The following DOCK8 variants were observed in gnomAD, a reference collection of about 807,000 sequenced individuals.
DOCK8 encodes dedicator of cytokinesis 8.
Under a neutral mutation model 245.6 loss-of-function variants are expected in DOCK8, and 141 were observed. The ratio of observed to expected loss-of-function variants is 0.57; its 90% CI spans 0.50 to 0.66. The LOEUF is 0.66. DOCK8 is among the 30% of genes least tolerant of loss of function. The probability of loss-of-function intolerance (pLI) is 0.00; values close to 1 mark genes in which losing one functional copy is unlikely to be tolerated. For missense variants in DOCK8, 2,965 were observed against 2,603.4 expected (o/e 1.14, Z -3.02); for synonymous variants, 1,168 against 970.2 (o/e 1.20, Z -3.79).
chr9:289,663 C>A, intron 4 of DOCK8, 82 bp downstream of exon 4: 1 of 1,294,214 alleles, frequency 7.7e-7, no homozygotes, highest in South Asian at 1.3e-5. Context: ...ATACTTTGAA[C>A]AGTTCTAGGT....
chr9:451,247 G>T (rs1198230735), intron 45 of DOCK8, among the ~76,000 whole-genome samples: 1 of 152,026 alleles, frequency 6.6e-6, no homozygotes, highest in African/African-American at 2.4e-5. Flanking sequence ...GGAGGTGGAG[G>T]TTGTAGTGAG....
chr9:436,780 G>A (rs1587042077), intron 39 of DOCK8, among the ~76,000 whole-genome samples: 1 of 152,238 alleles, frequency 6.6e-6, no homozygotes, highest in East Asian at 1.9e-4. Context: ...AATATTTATT[G>A]AATACTTATT....
chr9:401,757 A>T (rs1159458569), intron 26 of DOCK8, among the ~76,000 whole-genome samples: 1 of 152,200 alleles, frequency 6.6e-6, no homozygotes, highest in Admixed American at 6.5e-5. Flanking sequence ...TCTCCTCCAA[A>T]AAAAGAAAAA....
intron 7 of DOCK8, among the ~76,000 whole-genome samples, chr9:318,785 T>C (rs1016189935): frequency 6.6e-6 from 1 of 152,178 alleles, no homozygotes; most frequent in Non-Finnish European, 1.5e-5. Context: ...CTGCATTGTT[T>C]AGGAAGCCTT....
At chr9:312,243 A>G (rs987463414) in intron 6 of DOCK8, 77 bp downstream of exon 6, 8 of 1,514,948 alleles carry the variant, frequency 5.3e-6, no homozygotes, top group Non-Finnish European at 7.2e-6. Flanking sequence ...GTTGTTCATT[A>G]TTACTATATA....
intron 1 of DOCK8, among the ~76,000 whole-genome samples, chr9:241,249 C>G (rs2047367166): frequency 6.6e-6 from 1 of 152,112 alleles, no homozygotes; most frequent in Non-Finnish European, 1.5e-5. Flanking sequence ...AATATCCTCC[C>G]TTTAAGTATT....
At chr9:329,097 C>T (rs1176651087) in intron 9 of DOCK8, among the ~76,000 whole-genome samples, 1 of 151,548 alleles carries the variant, frequency 6.6e-6, no homozygotes, top group African/African-American at 2.4e-5. Context: ...TTATAGGAGC[C>T]CACCACCCCA....
At chr9:372,567 G>A (rs1281848756) in intron 18 of DOCK8, among the ~76,000 whole-genome samples, 1 of 152,152 alleles carries the variant, frequency 6.6e-6, no homozygotes, top group Non-Finnish European at 1.5e-5. Flanking sequence ...AGAAGAGGAG[G>A]CAAACTAAGG....
intron 15 of DOCK8, 78 bp downstream of exon 15, chr9:368,213 A>C: frequency 8.3e-7 from 1 of 1,204,688 alleles, no homozygotes; most frequent in South Asian, 1.2e-5. Context: ...TCCGGGACTC[A>C]TCAGTGTACA....
At chr9:252,064 C>T (rs2047663563) in intron 1 of DOCK8, among the ~76,000 whole-genome samples, 1 of 145,996 alleles carries the variant, frequency 6.8e-6, no homozygotes, top group Non-Finnish European at 1.5e-5. Context: ...ACCTCTGCCA[C>T]CTGGGTTCAA....
intron 1 of DOCK8, among the ~76,000 whole-genome samples, chr9:259,029 G>A (rs2047852616): frequency 6.6e-6 from 1 of 151,986 alleles, no homozygotes. Flanking sequence ...ACTCTCGGTT[G>A]AGTGTGGTGG....
chr9:438,765 A>G (rs2056988351), intron 39 of DOCK8, among the ~76,000 whole-genome samples: 1 of 152,218 alleles, frequency 6.6e-6, no homozygotes, highest in Non-Finnish European at 1.5e-5. Context: ...AACTTCCTTA[A>G]TGAAGACAGC....
At chr9:229,473 A>G (rs1055681282) in intron 1 of DOCK8, among the ~76,000 whole-genome samples, 55 of 152,294 alleles carry the variant, frequency 3.6e-4, no homozygotes, top group African/African-American at 1.3e-3. Context: ...AATTACACTG[A>G]TGGACTCCAG....
At chr9:295,816 C>G (rs534047924) in intron 4 of DOCK8, among the ~76,000 whole-genome samples, 1 of 152,160 alleles carries the variant, frequency 6.6e-6, no homozygotes, top group Non-Finnish European at 1.5e-5. Flanking sequence ...GTAATGGCCA[C>G]TTGTGTTCCC....
chr9:332,789 C>T (rs2051085879), intron 10 of DOCK8, among the ~76,000 whole-genome samples: 1 of 151,060 alleles, frequency 6.6e-6, no homozygotes, highest in Non-Finnish European at 1.5e-5. Flanking sequence ...TCTTGAGCAG[C>T]TGGTACTACA....
chr9:422,800 C>T (rs1355688328), intron 33 of DOCK8, among the ~76,000 whole-genome samples: 2 of 152,100 alleles, frequency 1.3e-5, no homozygotes, highest in Admixed American at 1.3e-4. Context: ...GCCTGGCCAA[C>T]ATGGTGAAAC....
chr9:240,425 T>A (rs1014127062), intron 1 of DOCK8, among the ~76,000 whole-genome samples: 1 of 152,000 alleles, frequency 6.6e-6, no homozygotes, highest in African/African-American at 2.4e-5. Context: ...TTGGTCCTAT[T>A]TGAGGCCATC....
intron 1 of DOCK8, among the ~76,000 whole-genome samples, chr9:229,537 G>A (rs911346718): frequency 6.6e-6 from 1 of 152,162 alleles, no homozygotes; most frequent in Non-Finnish European, 1.5e-5. Context: ...GTATCAGAGA[G>A]AGAAGGTGCC....
chr9:271,101 T>G (rs2048152103), intron 1 of DOCK8, among the ~76,000 whole-genome samples: 1 of 152,090 alleles, frequency 6.6e-6, no homozygotes, highest in African/African-American at 2.4e-5. Context: ...TGGGAAAAAA[T>G]ACAATCATTG....
Sources: gnomAD v4.1 joint callset for allele counts (sites outside exome capture counted in the v4.1 genomes callset) on GRCh38, gnomAD v4.1.1 for gene constraint, MANE v1.5 for transcripts, NCBI Gene and HGNC (gene_info 2026-07-23, HGNC 2026-07-21) for gene names.